The following ACAP3 variants were observed in gnomAD, a reference collection of about 807,000 sequenced individuals.
ACAP3 encodes the protein arf-GAP with coiled-coil, ANK repeat and PH domain-containing protein 3.
ACAP3 carries 56 observed loss-of-function variants against 104.1 expected under a neutral mutation model. That is an observed-to-expected ratio of 0.54 (90% CI 0.43 to 0.67). The LOEUF is 0.67. Among genes scored for constraint, ACAP3 ranks in the 30% least tolerant of loss-of-function variants. The probability of loss-of-function intolerance (pLI) is 0.00; values close to 1 mark genes in which losing one functional copy is unlikely to be tolerated. For synonymous variants in ACAP3, 628 were observed against 496.2 expected, an observed-to-expected ratio of 1.27 and a Z score of -3.53; for missense variants, 1,208 against 1,174.9, an observed-to-expected ratio of 1.03 and a Z score of -0.41.
chr1:1,295,140 C>T, intron 19 of ACAP3: 1 of 557,114 alleles, frequency 1.8e-6, no homozygotes, highest in South Asian at 2.3e-5. Flanking sequence ...ATGTCTCCAC[C>T]CAACCAACGG....
rs1296337927 is a variant in ACAP3 at position 1,303,619 on chromosome 1, T to C, written c.106-338A>G. ...CTCCACGGCCTGTTGCCCCCTCCTC[T>C]TTCTCAGCCCATGTGGGGCTCATGG... On this transcript the variant is annotated intron_variant, in intron 2 of 23. Coordinates refer to ENST00000354700, the MANE Select transcript of ACAP3 (RefSeq NM_030649.3). This position sits in a 1 kb window ranked among gnomAD's most constrained non-coding sequence, Gnocchi z 4.0. The C allele has an allele frequency of 6.8e-6, 3 of 443,126 alleles. No homozygotes were observed. Among genetic ancestry groups the C allele is most frequent in the Non-Finnish European group, 1.2e-5 (3 of 243,592 alleles). The allele number at this position is 443,126 out of a possible 1,614,324, so 27.4% of individuals were successfully genotyped here.
rs1641551611 is a variant in ACAP3, at chr1:1,303,676, C to CCTT, written c.106-396_106-395insAAG. On this transcript the variant is annotated intron_variant, in intron 2 of 23. Transcript: ENST00000354700. The surrounding 1 kb of genome is among the most constrained non-coding windows in gnomAD (Gnocchi z 4.0). ...CTCCCCTCTCCACGGCCTGTTGCCC[C>CCTT]CTCTTTCTCAGCCCATGTGGGGCTC... 16 of 261,968 alleles carry CCTT rather than the reference C, an allele frequency of 6.1e-5. 2 individuals are homozygous for CCTT. The highest frequency in any genetic ancestry group is 5.0e-4 in the South Asian group (16 of 32,156). 16.2% of individuals were successfully genotyped at this position (261,968 alleles called of 1,614,324 possible).
chr1:1,294,317 C>A, intron 21 of ACAP3, 85 bp downstream of exon 21: 1 of 1,516,450 alleles, frequency 6.6e-7, no homozygotes, highest in Non-Finnish European at 8.9e-7. Context: ...CCACCGCGGA[C>A]AGGCGACCCT....
chr1:1,295,473 G>C lies in ACAP3; in HGVS notation c.1787C>G (p.Ala596Gly). The change falls in exon 19 of 24, where the codon GCA becomes GGA. Residue 596 changes from alanine to glycine, a missense_variant. Transcript: ENST00000354700. ...GCGAGGGCCAGCCCCTGCGGCCCCT[G>C]CGTCGAAGTAGGAGAAGAGCGAGTC... ...ELDSLFSYFD[A>G]GAAGAGPRSL... The C allele has an allele frequency of 6.2e-7, 1 of 1,612,612 alleles. No individual in the cohort carries two copies. The highest frequency in any genetic ancestry group is 8.5e-7 in the Non-Finnish European group (1 of 1,179,880).
intron 10 of ACAP3, 40 bp downstream of exon 10, chr1:1,299,304 TC>T (rs777955650): frequency 1.6e-4 from 256 of 1,587,302 alleles, no homozygotes; most frequent in Non-Finnish European, 2.1e-4. Flanking sequence ...CCATCTGGTC[TC>T]CCCCGACCCA....
Position 1,297,953 on chromosome 1 carries a change from G to C in ACAP3, c.1017-20C>G. 2 of 1,611,064 alleles carry C rather than the reference G, an allele frequency of 1.2e-6. No homozygotes were observed. Among genetic ancestry groups the C allele is most frequent in the Non-Finnish European group, 1.7e-6 (2 of 1,179,046 alleles). Reference sequence around the variant, plus strand: ...CAGCTCCTGCAGGCAGTGGAGGGGCGGGCGTCAGCTCCGGTGGGCAGGTAC... The same window carrying C: ...CAGCTCCTGCAGGCAGTGGAGGGGCCGGCGTCAGCTCCGGTGGGCAGGTAC... On this transcript the variant is annotated intron_variant, in intron 13 of 23. Coordinates refer to ENST00000354700, the MANE Select transcript of ACAP3 (RefSeq NM_030649.3).
Position 1,294,616 on chromosome 1 carries a change from G to T in ACAP3, c.1925C>A (p.Ser642Ter). Residue 642 changes from serine to a stop codon, truncating the protein, a stop_gained, in exon 21 of 24, where the codon TCG becomes TAG. Transcript: ENST00000354700. LOFTEE classifies it high-confidence loss of function. The part of the protein sequence containing the change: ...DSVTEEEGAE[S>*]EESSGEADGD... ...GTCTGCCTCACCGCTGGACTCCTCC[G>T]ACTCTGCACCCTCTGTGGGGAGGGG... 1 of 1,526,062 alleles carries T rather than the reference G, an allele frequency of 6.6e-7. No individual in the cohort carries two copies. 94.5% of individuals were successfully genotyped at this position (1,526,062 alleles called of 1,614,324 possible). A position where few individuals can be genotyped will look rare whatever the true frequency, so the allele number is the denominator to read the frequency against.
chr1:1,299,709 G>A, intron 9 of ACAP3, 122 bp downstream of exon 9: 1 of 1,173,464 alleles, frequency 8.5e-7, no homozygotes, highest in Non-Finnish European at 1.2e-6. Context: ...TAGAGAGGGT[G>A]TGGGCAGGGC....
chr1:1,307,414 G>A (rs1641783272), intron 1 of ACAP3: 2 of 1,292,192 alleles, frequency 1.5e-6, no homozygotes, highest in East Asian at 5.5e-5. Context: ...GAGACCAGGG[G>A]CCGACGCCCC....
Position 1,306,533 on chromosome 1 carries a change from C to G in ACAP3, c.47+1236G>C, listed in dbSNP as rs139103600. Reference sequence around the variant, plus strand: ...TCTGCCCAGGGCTGGCGGCCACTCTCCTGGCTGGCCCTGAGCCTCCCACTC... The same window carrying G: ...TCTGCCCAGGGCTGGCGGCCACTCTGCTGGCTGGCCCTGAGCCTCCCACTC... On this transcript the variant is annotated intron_variant, in intron 1 of 23. Transcript: ENST00000354700. Among the ~76,000 whole-genome samples, 55 of 152,302 alleles carry G rather than the reference C, an allele frequency of 3.6e-4. No homozygotes were observed. In the East Asian group the frequency reaches 9.7e-3, roughly 27 times the overall value.
intron 1 of ACAP3, chr1:1,304,441 C>G (rs568826199): frequency 1.1e-5 from 6 of 532,486 alleles, no homozygotes; most frequent in African/African-American, 9.6e-5. Flanking sequence ...ACAGTGCCCA[C>G]CAAGGGCTGA....
chr1:1,304,812 G>A lies in ACAP3; in HGVS notation c.48-669C>T, dbSNP rs138176063. ...AGAGTTAAGGCATGACATCACCAGA[G>A]AAGCCTCGGCGGGAGAATCCCCGGA... On this transcript the variant is annotated intron_variant, in intron 1 of 23. Coordinates refer to ENST00000354700, the MANE Select transcript of ACAP3 (RefSeq NM_030649.3). The A allele has an allele frequency of 9.3e-3, 1,419 of 152,564 alleles. 9 individuals carry two copies. Among genetic ancestry groups the A allele is most frequent in the Middle Eastern group, 0.027 (8 of 294 alleles). The allele number at this position is 152,564 out of a possible 1,614,324, so 9.5% of individuals were successfully genotyped here. A position where few individuals can be genotyped will look rare whatever the true frequency, so the allele number is the denominator to read the frequency against.
chr1:1,301,284 G>T (rs1426176400), intron 5 of ACAP3, among the ~76,000 whole-genome samples: 1 of 129,682 alleles, frequency 7.7e-6, no homozygotes, highest in African/African-American at 3.0e-5. Context: ...TTTTTTGATG[G>T]AGTCTCTCTC....
At chr1:1,295,678 G>C (rs540082124) in intron 18 of ACAP3, 58 bp downstream of exon 18, 1 of 1,557,264 alleles carries the variant, frequency 6.4e-7, no homozygotes, top group East Asian at 2.4e-5. Context: ...CCCCTTGACG[G>C]AGTCCATCCC....
At chr1:1,301,772 C>G (rs903025275) in intron 5 of ACAP3, 1 of 412,266 alleles carries the variant, frequency 2.4e-6, no homozygotes, top group Non-Finnish European at 4.3e-6. Context: ...CTGGACCTCT[C>G]TGCTGTGGGG....
Position 1,296,073 on chromosome 1 carries a change from T to G in ACAP3, c.1444A>C (p.Ile482Leu). The part of the protein sequence containing the change: ...CELGNSAVNQ[I>L]YEAQCEGAGS... ...GCACCCTCACACTGGGCCTCATAGATCTGATTCACAGCGCTGTTTCCAAGC... is the reference window on the plus strand; with the variant it reads ...GCACCCTCACACTGGGCCTCATAGAGCTGATTCACAGCGCTGTTTCCAAGC... The change falls in exon 17 of 24, where the codon ATC (isoleucine) becomes CTC (leucine). Residue 482 changes from isoleucine to leucine, a missense_variant. Physicochemically the swap from Ile to Leu is conservative, Grantham distance 5 (BLOSUM62 2). Coordinates refer to ENST00000354700, the MANE Select transcript of ACAP3 (RefSeq NM_030649.3). The G allele has an allele frequency of 1.2e-6, 2 of 1,612,730 alleles. No individual in the cohort carries two copies.
chr1:1,303,409 C>G lies in ACAP3; in HGVS notation c.106-128G>C. 1 of 1,293,412 alleles carries G rather than the reference C, an allele frequency of 7.7e-7. No individual in the cohort carries two copies. The highest frequency in any genetic ancestry group is 1.0e-6 in the Non-Finnish European group (1 of 974,198). 80.1% of individuals were successfully genotyped at this position (1,293,412 alleles called of 1,614,324 possible). A position where few individuals can be genotyped will look rare whatever the true frequency, so the allele number is the denominator to read the frequency against. On this transcript the variant is annotated intron_variant, in intron 2 of 23. Transcript: ENST00000354700. The surrounding 1 kb of genome is among the most constrained non-coding windows in gnomAD (Gnocchi z 4.0). ...ACTCAGGGCGTTGGCACTCAGGACT[C>G]AGTGCCCCGGTGCAGCTTCCTCACG...
In ACAP3 at chr1:1,300,072, C is replaced by G. The variant is rs371279332; in HGVS notation, c.568-4G>C. 1.9e-6 allele frequency: 3 copies of G among 1,612,098 alleles called. No homozygotes were observed. The highest frequency in any genetic ancestry group is 1.7e-6 in the Non-Finnish European group (2 of 1,179,574). On this transcript the variant is annotated splice_polypyrimidine_tract_variant and splice_region_variant and intron_variant, in intron 7 of 23. Transcript: ENST00000354700. ...GGGCGTGCATGAAGGACAGCATCTG[C>G]GGGGGCAGCACAGGTGAGGCCCAAG...
Position 1,303,003 on chromosome 1 carries a change from G to C in ACAP3, c.226-28C>G. 1 of 1,601,336 alleles carries C rather than the reference G, an allele frequency of 6.2e-7. No individual in the cohort carries two copies. The highest frequency in any genetic ancestry group is 8.5e-7 in the Non-Finnish European group (1 of 1,173,460). ...GGAGGAGCAGATGGGAACCCGTGCTGAGATGGCAAATCCGGGCCCAGGTCA... is the reference window on the plus strand; with the variant it reads ...GGAGGAGCAGATGGGAACCCGTGCTCAGATGGCAAATCCGGGCCCAGGTCA... On this transcript the variant is annotated intron_variant, in intron 3 of 23. Transcript: ENST00000354700. The surrounding 1 kb of genome is among the most constrained non-coding windows in gnomAD (Gnocchi z 4.0).
Sources: allele counts gnomAD v4.1 joint callset (sites outside exome capture counted in the v4.1 genomes callset), GRCh38; gene constraint gnomAD v4.1.1; non-coding constraint Gnocchi (gnomAD v3.1); transcripts MANE v1.5; gene names NCBI Gene and HGNC (gene_info 2026-07-23, HGNC 2026-07-21).